The following KCNG3 variants were observed in gnomAD, a reference collection of about 807,000 sequenced individuals.
The protein encoded by KCNG3 is potassium voltage-gated channel modifier subfamily G member 3.
In KCNG3, 15 loss-of-function variants were observed where a neutral mutation model predicts 29.0. That is an observed-to-expected ratio of 0.52 (90% CI 0.35 to 0.80). The LOEUF (loss-of-function observed/expected upper bound fraction) is 0.80, where lower values mean the gene tolerates loss of function less well. Ranked by LOEUF, KCNG3 falls within the 30% of genes least tolerant of loss-of-function variation. The probability of loss-of-function intolerance (pLI) is 0.01; values close to 1 mark genes in which losing one functional copy is unlikely to be tolerated. For synonymous variants in KCNG3, 322 were observed against 248.9 expected, an observed-to-expected ratio of 1.29 and a Z score of -2.76; for missense variants, 512 against 605.7, an observed-to-expected ratio of 0.85 and a Z score of 1.62.
intron 1 of KCNG3, among the ~76,000 whole-genome samples, chr2:42,491,336 T>C (rs1332622583): frequency 6.6e-6 from 1 of 152,182 alleles, no homozygotes; most frequent in East Asian, 1.9e-4. Context: ...GGTATTTTAC[T>C]GGTTTTGCTC....
At chr2:42,468,943 G>A (rs969696510) in intron 1 of KCNG3, among the ~76,000 whole-genome samples, 5 of 87,548 alleles carry the variant, frequency 5.7e-5, no homozygotes, top group Admixed American at 4.2e-4. Context: ...GACACAGCAA[G>A]ACTCCGTCTC....
chr2:42,402,581 C>T, the KCNG3 span, among the ~76,000 whole-genome samples: 3 of 152,096 alleles, frequency 2.0e-5, no homozygotes, highest in African/African-American at 7.2e-5. Flanking sequence ...AGCTGGAATT[C>T]GTTTTGTGTA....
chr2:42,400,782 G>C, the KCNG3 span, among the ~76,000 whole-genome samples: 3 of 151,886 alleles, frequency 2.0e-5, no homozygotes, highest in Non-Finnish European at 2.9e-5. Context: ...TGGAAAAAAT[G>C]GGTTTTTTTT....
chr2:42,490,159 C>T (rs536964734), intron 1 of KCNG3, among the ~76,000 whole-genome samples: 1 of 152,320 alleles, frequency 6.6e-6, no homozygotes, highest in Admixed American at 6.5e-5. Context: ...CTCACGCTTC[C>T]ATAAACTTCA....
chr2:42,480,306 C>T (rs1354599288), intron 1 of KCNG3, among the ~76,000 whole-genome samples: 1 of 152,148 alleles, frequency 6.6e-6, no homozygotes, highest in Non-Finnish European at 1.5e-5. Context: ...TTATCCCCAT[C>T]TTACAGACAA....
intron 1 of KCNG3, among the ~76,000 whole-genome samples, chr2:42,448,355 A>G (rs1458535751): frequency 6.6e-6 from 1 of 150,396 alleles, no homozygotes; most frequent in Non-Finnish European, 1.5e-5. Flanking sequence ...TTATTTATTT[A>G]TTTATTTATT....
chr2:42,445,285 G>T (rs1046058586), intron 1 of KCNG3, among the ~76,000 whole-genome samples: 1 of 152,104 alleles, frequency 6.6e-6, no homozygotes, highest in Non-Finnish European at 1.5e-5. Flanking sequence ...GAGTTCTGAG[G>T]TGGATTGGAA....
At position 42,481,462 on chromosome 2, in the gene KCNG3, C is replaced by G. The variant is rs570567489; in HGVS notation, c.665+11375G>C. ...GAGGTTCTAACTGGCTTCACTGGCT[C>G]CACCCTTGCAGGACCCTGGAGTCTA... On this transcript the variant is annotated intron_variant, in intron 1 of 1. Transcript: ENST00000306078. 3.9e-5 allele frequency among the ~76,000 whole-genome samples: 6 copies of G among 152,260 alleles called. No individual in the cohort carries two copies. In the South Asian group the frequency reaches 1.0e-3, roughly 26 times the overall value.
At chr2:42,433,671 G>C in the KCNG3 span, among the ~76,000 whole-genome samples, 1 of 152,074 alleles carries the variant, frequency 6.6e-6, no homozygotes, top group Non-Finnish European at 1.5e-5. Context: ...CCCGAGAGGT[G>C]GGGGTGCAGT....
chr2:42,398,052 T>C, the KCNG3 span, among the ~76,000 whole-genome samples: 1 of 151,960 alleles, frequency 6.6e-6, no homozygotes, highest in South Asian at 2.1e-4. Flanking sequence ...TGAAACCCTG[T>C]CTCTACTAGA....
the KCNG3 span, among the ~76,000 whole-genome samples, chr2:42,433,440 C>A: frequency 7.9e-5 from 12 of 152,094 alleles, no homozygotes; most frequent in Non-Finnish European, 1.6e-4. Context: ...GGGCAGGCAC[C>A]AACCAGTTGG....
At chr2:42,485,449 ATT>A (rs11427289) in intron 1 of KCNG3, among the ~76,000 whole-genome samples, 6 of 147,558 alleles carry the variant, frequency 4.1e-5, no homozygotes, top group Admixed American at 6.8e-5. Context: ...AGCAAAGAGC[ATT>A]TTTTTTTTTT....
At chr2:42,445,691 A>C (rs1054350856) in intron 1 of KCNG3, among the ~76,000 whole-genome samples, 19 of 152,118 alleles carry the variant, frequency 1.2e-4, no homozygotes, top group Non-Finnish European at 2.1e-4. Context: ...CACTGAAAAT[A>C]ATCGCATTTA....
At chr2:42,487,387 C>A in intron 1 of KCNG3, among the ~76,000 whole-genome samples, 1 of 136,156 alleles carries the variant, frequency 7.3e-6, no homozygotes, top group African/African-American at 2.7e-5. Context: ...CTCTGTCACT[C>A]AGGCTGGAAT....
intron 1 of KCNG3, among the ~76,000 whole-genome samples, chr2:42,491,985 G>A (rs1673889624): frequency 6.6e-6 from 1 of 152,144 alleles, no homozygotes; most frequent in African/African-American, 2.4e-5. Flanking sequence ...TCCTCCCACT[G>A]AATATGCTCA....
At chr2:42,396,853 C>T in the KCNG3 span, among the ~76,000 whole-genome samples, 4 of 152,024 alleles carry the variant, frequency 2.6e-5, no homozygotes, top group Non-Finnish European at 5.9e-5. Flanking sequence ...ACAAGTCACT[C>T]GTTGGGGCAT....
chr2:42,391,920 T>C, the KCNG3 span, among the ~76,000 whole-genome samples: 1 of 152,160 alleles, frequency 6.6e-6, no homozygotes, highest in African/African-American at 2.4e-5. Context: ...TTATATCTCT[T>C]GTCTTTGATG....
chr2:42,439,670 G>T (rs1672434456), downstream of KCNG3, among the ~76,000 whole-genome samples: 1 of 151,260 alleles, frequency 6.6e-6, no homozygotes, highest in Non-Finnish European at 1.5e-5. Flanking sequence ...TTTTGAGACG[G>T]AGTTTCACTT....
At chr2:42,398,269 T>C in the KCNG3 span, among the ~76,000 whole-genome samples, 1 of 149,354 alleles carries the variant, frequency 6.7e-6, no homozygotes, top group African/African-American at 2.5e-5. Context: ...ATAAATAAAA[T>C]AAAATAAAAT....
Sources: gnomAD v4.1 joint callset for allele counts (sites outside exome capture counted in the v4.1 genomes callset) on GRCh38, gnomAD v4.1.1 for gene constraint, MANE v1.5 for transcripts, NCBI Gene and HGNC (gene_info 2026-07-23, HGNC 2026-07-21) for gene names.